AK4: variants seen among roughly 807,000 people sequenced by gnomAD.
AK4 encodes adenylate kinase 4, mitochondrial.
AK4 carries 13 observed loss-of-function variants against 24.6 expected under a neutral mutation model. That is an observed-to-expected ratio of 0.53 (90% CI 0.34 to 0.84). The LOEUF (loss-of-function observed/expected upper bound fraction) is 0.84, where lower values mean the gene tolerates loss of function less well. Among genes scored for constraint, AK4 ranks in the 40% least tolerant of loss-of-function variants. The pLI is 0.01. For missense variants in AK4, 192 were observed against 288.2 expected (o/e 0.67, Z 2.42); for synonymous variants, 88 against 107.0 (o/e 0.82, Z 1.10).
intron 2 of AK4, among the ~76,000 whole-genome samples, chr1:65,211,368 A>G (rs1651967474): frequency 6.6e-6 from 1 of 152,254 alleles, no homozygotes; most frequent in African/African-American, 2.4e-5. Context: ...GAAGCCATAC[A>G]AGATTTAGAT....
intron 2 of AK4, among the ~76,000 whole-genome samples, chr1:65,214,422 A>T (rs778555134): frequency 2.0e-5 from 3 of 152,130 alleles, no homozygotes; most frequent in African/African-American, 4.8e-5. Context: ...CTTGTTTCAT[A>T]TCTGATGAAA....
chr1:65,224,689 G>T (rs957261255), intron 3 of AK4, 63 bp from the exon 4 acceptor site: 11 of 1,388,486 alleles, frequency 7.9e-6, no homozygotes, highest in Middle Eastern at 2.5e-4. Flanking sequence ...GCACAGAAAA[G>T]TTTTTAACCT....
At chr1:65,154,512 C>A (rs1649907958) in intron 1 of AK4, 2 of 526,288 alleles carry the variant, frequency 3.8e-6, no homozygotes, top group East Asian at 1.0e-4. Flanking sequence ...GGAGCCACTG[C>A]TGAAAATTCA....
chr1:65,204,991 T>C (rs1395598052), intron 2 of AK4, among the ~76,000 whole-genome samples: 1 of 152,238 alleles, frequency 6.6e-6, no homozygotes, highest in Non-Finnish European at 1.5e-5. Context: ...GTACGTGAAC[T>C]GTATCTGAGT....
chr1:65,157,384 A>G (rs900177452), intron 1 of AK4, among the ~76,000 whole-genome samples: 13 of 152,154 alleles, frequency 8.5e-5, no homozygotes, highest in East Asian at 3.8e-4. Context: ...GTGCCAGGCA[A>G]TCTTGGCTTG....
chr1:65,206,540 C>T (rs777171412), intron 2 of AK4, among the ~76,000 whole-genome samples: 7 of 152,230 alleles, frequency 4.6e-5, no homozygotes, highest in Non-Finnish European at 1.0e-4. Flanking sequence ...TTGAGTCCAG[C>T]CTGGTTAACA....
chr1:65,154,518 A>T (rs942465534), intron 1 of AK4: 4 of 526,758 alleles, frequency 7.6e-6, no homozygotes, highest in Non-Finnish European at 1.5e-5. Context: ...ACTGCTGAAA[A>T]TTCAGCCAGG....
intron 2 of AK4, among the ~76,000 whole-genome samples, chr1:65,214,106 G>GTTGT (rs368268073): frequency 0.024 from 3,649 of 151,954 alleles, 156 homozygotes; most frequent in African/African-American, 0.083. Context: ...TGTTGTTGTT[G>GTTGT]TTGTTTGTTT....
intron 1 of AK4, among the ~76,000 whole-genome samples, chr1:65,159,269 G>A (rs1049009683): frequency 3.3e-5 from 5 of 152,184 alleles, no homozygotes; most frequent in Admixed American, 3.3e-4. Flanking sequence ...ACTGACTAAT[G>A]AATGCAAATT....
intron 3 of AK4, among the ~76,000 whole-genome samples, chr1:65,220,507 G>T (rs563335268): frequency 6.6e-6 from 1 of 152,040 alleles, no homozygotes. Flanking sequence ...ATGGAGTCTC[G>T]CTCCATCACC....
At chr1:65,152,346 CTCTCTCTCTCTCTCTA>C (rs1348970174) in intron 1 of AK4, among the ~76,000 whole-genome samples, 77 of 44,102 alleles carry the variant, frequency 1.7e-3, no homozygotes, top group African/African-American at 6.3e-3. Context: ...CTCTCTCTCT[CTCTCTCTCTCTCTCTA>C]TATATATATA....
At chr1:65,188,157 G>A (rs1007953823) in intron 1 of AK4, among the ~76,000 whole-genome samples, 5 of 152,144 alleles carry the variant, frequency 3.3e-5, no homozygotes, top group African/African-American at 9.7e-5. Context: ...CACTTTGGGA[G>A]GCAGATGTGG....
intron 1 of AK4, among the ~76,000 whole-genome samples, chr1:65,156,925 CAAAAA>C (rs71829208): frequency 1.2e-5 from 1 of 81,382 alleles, no homozygotes; most frequent in African/African-American, 3.8e-5. Context: ...GACTGTGTCT[CAAAAA>C]AAAAAAAAAA....
intron 3 of AK4, among the ~76,000 whole-genome samples, chr1:65,222,328 A>AG (rs1652324750): frequency 6.6e-6 from 1 of 152,154 alleles, no homozygotes; most frequent in South Asian, 2.1e-4. Context: ...GCAAGCTCCC[A>AG]GCTTGCTTGT....
chr1:65,180,230 T>C (rs937265789), intron 1 of AK4, among the ~76,000 whole-genome samples: 6 of 152,106 alleles, frequency 3.9e-5, no homozygotes, highest in African/African-American at 1.4e-4. Context: ...GGAGGATCAC[T>C]TGAGGTCAGA....
chr1:65,165,362 G>A (rs1049000829), intron 1 of AK4, among the ~76,000 whole-genome samples: 1 of 152,110 alleles, frequency 6.6e-6, no homozygotes, highest in Non-Finnish European at 1.5e-5. Flanking sequence ...TAGGTATCAT[G>A]TCTATGAGTA....
intron 1 of AK4, among the ~76,000 whole-genome samples, chr1:65,167,924 T>C (rs1475228414): frequency 6.6e-6 from 1 of 152,214 alleles, no homozygotes; most frequent in African/African-American, 2.4e-5. Flanking sequence ...CCGCTAGCTC[T>C]TCAGATAATT....
intron 1 of AK4, among the ~76,000 whole-genome samples, chr1:65,181,137 G>A (rs1208511832): frequency 6.7e-6 from 1 of 148,732 alleles, no homozygotes; most frequent in Non-Finnish European, 1.5e-5. Context: ...AACAAAAAGA[G>A]GATACAGATG....
chr1:65,212,278 TAGAC>T (rs1217801702), intron 2 of AK4, among the ~76,000 whole-genome samples: 28 of 151,842 alleles, frequency 1.8e-4, no homozygotes, highest in African/African-American at 5.1e-4. Context: ...AGAAGAAAGA[TAGAC>T]AGGGTAACAT....
Sources: gnomAD v4.1 joint callset for allele counts (sites outside exome capture counted in the v4.1 genomes callset) on GRCh38, gnomAD v4.1.1 for gene constraint, MANE v1.5 for transcripts, NCBI Gene and HGNC (gene_info 2026-07-23, HGNC 2026-07-21) for gene names.